Variants in SPINK6 observed in about 807,000 individuals in gnomAD.
SPINK6 encodes the protein serine protease inhibitor Kazal-type 6.
SPINK6 carries 13 observed loss-of-function variants against 11.7 expected under a neutral mutation model. The observed-to-expected ratio is 1.11, with a 90% CI of 0.72 to 1.76. SPINK6 has a LOEUF of 1.76. SPINK6 is among the 40% of genes most tolerant of loss of function. The probability of loss-of-function intolerance (pLI) is 0.00; values close to 1 mark genes in which losing one functional copy is unlikely to be tolerated. For synonymous variants in SPINK6, 21 were observed against 31.9 expected (o/e 0.66, Z 1.15); for missense variants, 98 against 93.7 (o/e 1.05, Z -0.19).
chr5:148,204,587 C>A (rs924416004), intron 1 of SPINK6, among the ~76,000 whole-genome samples: 2 of 151,126 alleles, frequency 1.3e-5, no homozygotes, highest in African/African-American at 4.9e-5. Flanking sequence ...GCTTTGTGAA[C>A]TCTCTGATGT....
At position 148,207,029 on chromosome 5, in the gene SPINK6, G is replaced by GTGTA. The variant is rs34414702; in HGVS notation, c.81+974_81+975insATGT. Among the ~76,000 whole-genome samples the GTGTA allele has an allele frequency of 2.6e-3, 399 of 151,986 alleles. 8 individuals are homozygous for GTGTA. In the East Asian group the frequency reaches 0.052, roughly 20 times the overall value. On this transcript the variant is annotated intron_variant, in intron 2 of 3. Coordinates refer to ENST00000325630, the MANE Select transcript of SPINK6 (RefSeq NM_205841.4). Reference sequence around the variant, plus strand: ...TACAAATGATGATGCATTTGTGTGTGTGTGTGTGTGTGTGTACATGCATGT... The same window carrying GTGTA: ...TACAAATGATGATGCATTTGTGTGTGTGTATGTGTGTGTGTGTGTACATGCATGT...
chr5:148,205,953 T>C, intron 1 of SPINK6, 83 bp from the exon 2 acceptor site: 1 of 1,370,236 alleles, frequency 7.3e-7, no homozygotes, highest in South Asian at 1.2e-5. Context: ...CAGGAGTAGA[T>C]ATTAGGAATT....
intron 2 of SPINK6, among the ~76,000 whole-genome samples, chr5:148,207,728 C>T (rs1755519120): frequency 6.6e-6 from 1 of 152,062 alleles, no homozygotes; most frequent in Admixed American, 6.6e-5. Flanking sequence ...ACTTGGGAGG[C>T]TGAGGCAGGA....
At chr5:148,206,098 T>G in intron 2 of SPINK6, 40 bp downstream of exon 2, 2 of 1,613,026 alleles carry the variant, frequency 1.2e-6, no homozygotes, top group South Asian at 2.2e-5. Flanking sequence ...GCCTGGGTGG[T>G]GCTTGGCTTG....
chr5:148,205,872 A>G (rs1052307149), intron 1 of SPINK6, among the ~76,000 whole-genome samples, 164 bp from the exon 2 acceptor site: 1 of 152,068 alleles, frequency 6.6e-6, no homozygotes, highest in Non-Finnish European at 1.5e-5. Flanking sequence ...AGATTAAAAA[A>G]AAAAAGAAGA....
chr5:148,214,958 C>T lies in SPINK6; in HGVS notation c.*8C>T. The T allele has an allele frequency of 6.2e-7, 1 of 1,613,466 alleles. No homozygotes were observed. Among genetic ancestry groups the T allele is most frequent in the Non-Finnish European group, 8.5e-7 (1 of 1,179,656 alleles). On this transcript the variant is annotated 3_prime_UTR_variant, in exon 4 of 4. Transcript: ENST00000325630. ...CATCCTGGAAAATGCTGAGTTAAAG[C>T]CAATGTTTCTTGGTGACTTGCCAGC... is the stretch of plus-strand genomic sequence containing the variant.
chr5:148,210,344 G>A lies in SPINK6; in HGVS notation c.82-3566G>A, dbSNP rs186645058. Reference sequence around the variant, plus strand: ...TGTGTTTCTGCATACATATATATGTGTTTCTGCATACATATATATGTATGT... The same window carrying A: ...TGTGTTTCTGCATACATATATATGTATTTCTGCATACATATATATGTATGT... On this transcript the variant is annotated intron_variant, in intron 2 of 3. Coordinates refer to ENST00000325630, the MANE Select transcript of SPINK6 (RefSeq NM_205841.4). Among the ~76,000 whole-genome samples, 92 of 9,490 alleles carry A rather than the reference G, an allele frequency of 9.7e-3. 14 individuals carry two copies. The highest frequency in any genetic ancestry group is 0.018 in the East Asian group (4 of 228). 6.2% of individuals were successfully genotyped at this position (9,490 alleles called of 152,430 possible). A position where few individuals can be genotyped will look rare whatever the true frequency, so the allele number is the denominator to read the frequency against.
At chr5:148,214,296 T>C (rs906076075) in intron 3 of SPINK6, among the ~76,000 whole-genome samples, 6 of 152,214 alleles carry the variant, frequency 3.9e-5, no homozygotes, top group Admixed American at 2.0e-4. Context: ...TCACACATCT[T>C]ATACATTATA....
intron 2 of SPINK6, among the ~76,000 whole-genome samples, chr5:148,206,365 G>A (rs539737037): frequency 1.6e-4 from 25 of 152,108 alleles, no homozygotes; most frequent in Admixed American, 7.2e-4. Context: ...CAACTTCTCT[G>A]AGCTGCAAGT....
upstream of SPINK6, chr5:148,202,850 A>AGGTAG: frequency 2.6e-6 from 1 of 381,626 alleles, no homozygotes. Flanking sequence ...AGGAAAATGT[A>AGGTAG]GGCTACCAGT....
chr5:148,213,958 T>C lies in SPINK6; in HGVS notation c.130T>C (p.Ser44Pro), dbSNP rs1755648773. The change falls in exon 3 of 4, where the codon TCT becomes CCT. Residue 44 changes from serine to proline, a missense_variant. Ser to Pro is a moderately conservative substitution (Grantham distance 74). Transcript: ENST00000325630. Reference protein sequence around the residue: ...QDPKVYCTRESNPHCGSDGQT... With the variant: ...QDPKVYCTREPNPHCGSDGQT... ...CCCCAAGGTCTACTGCACTCGGGAA[T>C]CTAACCCACACTGTGGCTCTGATGG... 3 of 1,613,946 alleles carry C rather than the reference T, an allele frequency of 1.9e-6. No homozygotes were observed. Among genetic ancestry groups the C allele is most frequent in the Non-Finnish European group, 2.5e-6 (3 of 1,179,828 alleles).
chr5:148,214,176 G>T, intron 3 of SPINK6, 151 bp downstream of exon 3: 2 of 492,290 alleles, frequency 4.1e-6, no homozygotes, highest in South Asian at 3.8e-5. Context: ...AAAACAGATG[G>T]GTCAAAAGCA....
rs1291038584 is a variant in SPINK6, at chr5:148,203,091, G to A, written c.-6G>A. 2 of 1,609,094 alleles carry A rather than the reference G, an allele frequency of 1.2e-6. No individual in the cohort carries two copies. The highest frequency in any genetic ancestry group is 1.7e-6 in the Non-Finnish European group (2 of 1,178,766). On this transcript the variant is annotated 5_prime_UTR_variant, in exon 1 of 4. Transcript: ENST00000325630. Reference sequence around the variant, plus strand: ...CAGCCTTGATCTGAGTGAGCTAACTGACACAATGAAACTGTCAGGCATGTT... The same window carrying A: ...CAGCCTTGATCTGAGTGAGCTAACTAACACAATGAAACTGTCAGGCATGTT...
intron 2 of SPINK6, among the ~76,000 whole-genome samples, chr5:148,211,233 T>C (rs1269474845): frequency 6.6e-6 from 1 of 152,082 alleles, no homozygotes; most frequent in African/African-American, 2.4e-5. Context: ...AAGGAGGAAG[T>C]ATTTGGGTAA....
At chr5:148,209,741 G>T (rs1401173334) in intron 2 of SPINK6, among the ~76,000 whole-genome samples, 3 of 151,974 alleles carry the variant, frequency 2.0e-5, no homozygotes, top group Non-Finnish European at 2.9e-5. Context: ...AGAAAATGAG[G>T]TAAAGCAATG....
chr5:148,212,126 A>T (rs999195112), intron 2 of SPINK6, among the ~76,000 whole-genome samples: 4 of 152,098 alleles, frequency 2.6e-5, no homozygotes, highest in Non-Finnish European at 5.9e-5. Flanking sequence ...ACTCCAGACT[A>T]CTTTTGAAAA....
At chr5:148,209,969 T>TACGTACGTATGTATGTATACATACAC (rs1561732074) in intron 2 of SPINK6, among the ~76,000 whole-genome samples, 1 of 126,610 alleles carries the variant, frequency 7.9e-6, no homozygotes, top group Non-Finnish European at 1.7e-5. Flanking sequence ...TATACATACA[T>TACGTACGTATGTATGTATACATACAC]ACGTACGTAT....
At chr5:148,209,955 T>TATGTATACATACATACGTACGTATGC (rs1561732043) in intron 2 of SPINK6, among the ~76,000 whole-genome samples, 31 of 143,438 alleles carry the variant, frequency 2.2e-4, no homozygotes, top group African/African-American at 8.6e-4. Flanking sequence ...GTTTCATATA[T>TATGTATACATACATACGTACGTATGC]ATGTATACAT....
intron 2 of SPINK6, among the ~76,000 whole-genome samples, chr5:148,206,864 T>C (rs80165546): frequency 0.014 from 2,181 of 152,324 alleles, 58 homozygotes; most frequent in African/African-American, 0.05. Flanking sequence ...ACCTTTGACA[T>C]GAAAATTTCT....
Sources: gnomAD v4.1 joint callset for allele counts (sites outside exome capture counted in the v4.1 genomes callset) on GRCh38, gnomAD v4.1.1 for gene constraint, MANE v1.5 for transcripts, NCBI Gene and HGNC (gene_info 2026-07-23, HGNC 2026-07-21) for gene names.